Variants in MRPL1 observed in about 807,000 individuals in gnomAD.
MRPL1 encodes large ribosomal subunit protein uL1m.
In MRPL1, 28 loss-of-function variants were observed where a neutral mutation model predicts 38.0. The ratio of observed to expected loss-of-function variants is 0.74; its 90% CI spans 0.55 to 1.01. The LOEUF (loss-of-function observed/expected upper bound fraction) is 1.01, where lower values mean the gene tolerates loss of function less well. Among genes scored for constraint, MRPL1 ranks in the 50% least tolerant of loss-of-function variants. The pLI, the probability that MRPL1 is intolerant of heterozygous loss-of-function variation, is 0.00. For missense variants in MRPL1, 358 were observed against 389.8 expected (o/e 0.92, Z 0.69); for synonymous variants, 123 against 126.7 (o/e 0.97, Z 0.20).
chr4:77,877,857 A>G (rs1735434997), intron 2 of MRPL1, among the ~76,000 whole-genome samples: 1 of 149,482 alleles, frequency 6.7e-6, no homozygotes, highest in Non-Finnish European at 1.5e-5. Flanking sequence ...ATCGTTAGAC[A>G]CAGTGCGTGT....
At chr4:77,904,872 AG>A (rs1736118314) in intron 6 of MRPL1, among the ~76,000 whole-genome samples, 1 of 152,256 alleles carries the variant, frequency 6.6e-6, no homozygotes, top group Admixed American at 6.5e-5. Context: ...TAAATATAAA[AG>A]ATAAAGTCAT....
At chr4:77,900,797 A>G (rs1578047858) in intron 6 of MRPL1, among the ~76,000 whole-genome samples, 1 of 152,226 alleles carries the variant, frequency 6.6e-6, no homozygotes, top group Non-Finnish European at 1.5e-5. Flanking sequence ...GAGTATTGTG[A>G]GAACTGTATA....
chr4:77,917,410 C>T (rs953130326), intron 7 of MRPL1, among the ~76,000 whole-genome samples: 1 of 152,100 alleles, frequency 6.6e-6, no homozygotes, highest in Non-Finnish European at 1.5e-5. Flanking sequence ...CCTTTTCTAT[C>T]CAGTAGAAAA....
At chr4:77,919,446 C>T (rs1160245448) in intron 7 of MRPL1, among the ~76,000 whole-genome samples, 1 of 151,968 alleles carries the variant, frequency 6.6e-6, no homozygotes, top group African/African-American at 2.4e-5. Context: ...TAATACCTTT[C>T]TGTTTGTCAA....
intron 7 of MRPL1, among the ~76,000 whole-genome samples, chr4:77,925,047 C>A (rs190201546): frequency 1.3e-5 from 2 of 152,108 alleles, no homozygotes; most frequent in Non-Finnish European, 2.9e-5. Context: ...CCTAGATTTA[C>A]CAATTTTGTC....
chr4:77,921,474 T>G (rs1720042400), intron 7 of MRPL1, among the ~76,000 whole-genome samples: 1 of 152,118 alleles, frequency 6.6e-6, no homozygotes, highest in African/African-American at 2.4e-5. Context: ...TGAAGATATC[T>G]GAGAGAAAAG....
intron 7 of MRPL1, among the ~76,000 whole-genome samples, chr4:77,948,360 TA>T (rs1737322175): frequency 6.6e-6 from 1 of 152,204 alleles, no homozygotes; most frequent in African/African-American, 2.4e-5. Flanking sequence ...TTTTTCAACA[TA>T]AAATATGTAA....
At chr4:77,950,766 TAGG>T (rs1449434259) in intron 8 of MRPL1, among the ~76,000 whole-genome samples, 1 of 152,192 alleles carries the variant, frequency 6.6e-6, no homozygotes, top group Non-Finnish European at 1.5e-5. Context: ...GAGACAATAG[TAGG>T]AGTAGATGAT....
intron 7 of MRPL1, among the ~76,000 whole-genome samples, chr4:77,922,891 C>A (rs1736611765): frequency 6.6e-6 from 1 of 152,130 alleles, no homozygotes; most frequent in Non-Finnish European, 1.5e-5. Flanking sequence ...TGTAATAGGT[C>A]ATTGGATATT....
intron 7 of MRPL1, among the ~76,000 whole-genome samples, chr4:77,914,611 T>C (rs1448908117): frequency 1.3e-5 from 2 of 152,178 alleles, no homozygotes; most frequent in Non-Finnish European, 2.9e-5. Context: ...AATTATCTTA[T>C]AGTTAAAAAT....
intron 1 of MRPL1, among the ~76,000 whole-genome samples, chr4:77,864,188 A>C (rs1735075108): frequency 6.6e-6 from 1 of 152,214 alleles, no homozygotes; most frequent in South Asian, 2.1e-4. Context: ...GTTATGTTAC[A>C]CAAATCCAAA....
At chr4:77,885,070 C>G (rs1412338477) in intron 3 of MRPL1, among the ~76,000 whole-genome samples, 186 bp from the exon 4 acceptor site, 1 of 151,736 alleles carries the variant, frequency 6.6e-6, no homozygotes, top group Non-Finnish European at 1.5e-5. Flanking sequence ...ATCTGTTGTG[C>G]TTTAAATTGT....
At chr4:77,923,514 C>A (rs2110255417) in intron 7 of MRPL1, among the ~76,000 whole-genome samples, 1 of 152,248 alleles carries the variant, frequency 6.6e-6, no homozygotes, top group Admixed American at 6.5e-5. Flanking sequence ...TTATATCCAA[C>A]TATTCTTATA....
At chr4:77,920,475 G>T (rs1736542292) in intron 7 of MRPL1, among the ~76,000 whole-genome samples, 1 of 152,164 alleles carries the variant, frequency 6.6e-6, no homozygotes, top group Non-Finnish European at 1.5e-5. Flanking sequence ...GTAAGGAAAT[G>T]AAACATCACA....
chr4:77,919,107 C>T (rs1054882108), intron 7 of MRPL1, among the ~76,000 whole-genome samples: 18 of 152,144 alleles, frequency 1.2e-4, no homozygotes, highest in African/African-American at 3.1e-4. Context: ...AAAGTTAAAA[C>T]GTGTCCAAAT....
intron 6 of MRPL1, among the ~76,000 whole-genome samples, chr4:77,909,042 G>A (rs1312883781): frequency 6.6e-6 from 1 of 152,178 alleles, no homozygotes; most frequent in South Asian, 2.1e-4. Flanking sequence ...TTTATGTAAT[G>A]TAATTATGTA....
intron 7 of MRPL1, among the ~76,000 whole-genome samples, chr4:77,914,052 A>ATG (rs1241701016): frequency 4.6e-5 from 7 of 152,288 alleles, no homozygotes; most frequent in Non-Finnish European, 7.4e-5. Context: ...TGATTGTTGC[A>ATG]TGTGTGTATA....
chr4:77,938,556 T>A (rs1737043689), intron 7 of MRPL1, among the ~76,000 whole-genome samples: 1 of 152,202 alleles, frequency 6.6e-6, no homozygotes, highest in Non-Finnish European at 1.5e-5. Flanking sequence ...TGGTCTTACT[T>A]TTTTGGGCCC....
At chr4:77,927,630 A>T (rs111845173) in intron 7 of MRPL1, among the ~76,000 whole-genome samples, 9 of 152,130 alleles carry the variant, frequency 5.9e-5, no homozygotes, top group African/African-American at 2.2e-4. Flanking sequence ...TTTAATTCAA[A>T]TATAAAATCT....
Sources: allele counts gnomAD v4.1 joint callset (sites outside exome capture counted in the v4.1 genomes callset), GRCh38; gene constraint gnomAD v4.1.1; transcripts MANE v1.5; gene names NCBI Gene and HGNC (gene_info 2026-07-23, HGNC 2026-07-21).